The following KIF2A variants were observed in gnomAD, a reference collection of about 807,000 sequenced individuals.
KIF2A encodes kinesin-like protein KIF2A.
Under a neutral mutation model 100.2 loss-of-function variants are expected in KIF2A, and 22 were observed. The ratio of observed to expected loss-of-function variants is 0.22; its 90% CI spans 0.16 to 0.31. The LOEUF is 0.31. KIF2A is among the 10% of genes least tolerant of loss of function. The pLI is 1.00. For missense variants in KIF2A, 495 were observed against 898.7 expected (o/e 0.55, Z 5.74); for synonymous variants, 268 against 285.9 (o/e 0.94, Z 0.63).
chr5:62,329,163 A>G (rs1167240272), intron 1 of KIF2A, among the ~76,000 whole-genome samples: 1 of 152,198 alleles, frequency 6.6e-6, no homozygotes, highest in East Asian at 1.9e-4. Context: ...TTTAATGTCT[A>G]AGAAAGGAAA....
chr5:62,345,516 G>T (rs886757848), intron 1 of KIF2A, among the ~76,000 whole-genome samples: 1 of 149,832 alleles, frequency 6.7e-6, no homozygotes, highest in Non-Finnish European at 1.5e-5. Context: ...ATAGAAGGTA[G>T]GTCGGGCACA....
At chr5:62,361,658 A>C (rs1748415581) in intron 11 of KIF2A, 129 bp downstream of exon 11, 1 of 565,052 alleles carries the variant, frequency 1.8e-6, no homozygotes, top group East Asian at 3.0e-5. Context: ...TGTCAATTAT[A>C]GGTTATTAGA....
At chr5:62,340,534 T>G (rs1747240087) in intron 1 of KIF2A, among the ~76,000 whole-genome samples, 2 of 152,190 alleles carry the variant, frequency 1.3e-5, no homozygotes, top group Admixed American at 1.3e-4. Context: ...TTAGTCTTAT[T>G]AACGTCTATG....
Position 62,388,968 on chromosome 5 carries a change from C to CAT in KIF2A, c.*3400_*3401dup. 6.4e-7 allele frequency: 1 copy of CAT among 1,558,792 alleles called. No individual in the cohort carries two copies. Among genetic ancestry groups the CAT allele is most frequent in the Non-Finnish European group, 8.8e-7 (1 of 1,138,104 alleles). The stretch of plus-strand genomic sequence containing the variant: ...TCTCAAATACAAAAAATACAAAATT[C>CAT]ATTTCTTTTCTTGACCTTGAAAATT... On this transcript the variant is annotated 3_prime_UTR_variant, in exon 21 of 21. Transcript: ENST00000407818.
chr5:62,339,937 CTTT>C (rs36051288), intron 1 of KIF2A, among the ~76,000 whole-genome samples: 1 of 130,594 alleles, frequency 7.7e-6, no homozygotes. Flanking sequence ...ACTTTTAGTA[CTTT>C]TTTTTTTTTT....
intron 10 of KIF2A, 59 bp from the exon 11 acceptor site, chr5:62,361,406 TA>T: frequency 7.0e-7 from 1 of 1,423,320 alleles, no homozygotes. Flanking sequence ...TTCTGTGAAC[TA>T]AATTCTTAAG....
chr5:62,357,773 A>ATCAATCTTT, intron 8 of KIF2A, 28 bp downstream of exon 8: 1 of 1,326,042 alleles, frequency 7.5e-7, no homozygotes, highest in Non-Finnish European at 1.1e-6. Context: ...CTCTAATAAA[A>ATCAATCTTT]GATTGATTTT....
intron 13 of KIF2A, 44 bp downstream of exon 13, chr5:62,363,364 A>G (rs1288803537): frequency 6.4e-7 from 1 of 1,565,104 alleles, no homozygotes; most frequent in Non-Finnish European, 8.7e-7. Context: ...AGTTTTAGAA[A>G]CTTTGGGTAC....
At position 62,385,846 on chromosome 5, in the gene KIF2A, A is replaced by G. The variant is rs1290389035; in HGVS notation, c.*277A>G. 1.9e-4 allele frequency: 76 copies of G among 407,606 alleles called. No homozygotes were observed. In the Admixed American group the frequency reaches 2.6e-3, roughly 14 times the overall value. 25.2% of individuals were successfully genotyped at this position (407,606 alleles called of 1,614,324 possible). A position where few individuals can be genotyped will look rare whatever the true frequency, so the allele number is the denominator to read the frequency against. On this transcript the variant is annotated 3_prime_UTR_variant, in exon 21 of 21. Transcript: ENST00000407818. ...GAGATCCTTGTCAGTTTTATTTTCT[A>G]TTTGATGAAGTAAGACTGTGGACTC...
At chr5:62,344,746 T>C (rs1747471367) in intron 1 of KIF2A, among the ~76,000 whole-genome samples, 1 of 152,240 alleles carries the variant, frequency 6.6e-6, no homozygotes, top group Non-Finnish European at 1.5e-5. Context: ...GATATATTCA[T>C]TTATGGAATG....
chr5:62,381,361 G>T, intron 20 of KIF2A, 108 bp downstream of exon 20: 1 of 808,142 alleles, frequency 1.2e-6, no homozygotes, highest in East Asian at 2.5e-5. Context: ...AAAATTAGGG[G>T]CACTGTTTAG....
rs776738957 is a variant in KIF2A, at chr5:62,388,729, C to CTGTT, written c.*3161_*3164dup. The stretch of plus-strand genomic sequence containing the variant: ...AAGAGTAACATCTTTATACAATAAA[C>CTGTT]TGTTAGAAATGATAAGTGTAAAGTT... On this transcript the variant is annotated 3_prime_UTR_variant, in exon 21 of 21. Coordinates refer to ENST00000407818, the MANE Select transcript of KIF2A (RefSeq NM_001098511.3). 1.4e-4 allele frequency: 59 copies of CTGTT among 407,242 alleles called. No individual in the cohort carries two copies. The highest frequency in any genetic ancestry group is 3.4e-4 in the Admixed American group (8 of 23,788). 25.2% of individuals were successfully genotyped at this position (407,242 alleles called of 1,614,324 possible).
At chr5:62,342,604 T>C (rs1212988702) in intron 1 of KIF2A, among the ~76,000 whole-genome samples, 15 of 152,204 alleles carry the variant, frequency 9.9e-5, no homozygotes, top group Non-Finnish European at 8.8e-5. Flanking sequence ...AGTCTTGCTC[T>C]GAAGCACCCT....
intron 1 of KIF2A, among the ~76,000 whole-genome samples, chr5:62,321,709 C>G (rs1435058867): frequency 6.6e-6 from 1 of 151,868 alleles, no homozygotes; most frequent in African/African-American, 2.4e-5. Context: ...ACTACAGATG[C>G]ACACCACATC....
rs187651005 is a variant in KIF2A at position 62,317,931 on chromosome 5, C to T, written c.64+11395C>T. Among the ~76,000 whole-genome samples, 371 of 150,678 alleles carry T rather than the reference C, an allele frequency of 2.5e-3. 2 individuals are homozygous for T. Among genetic ancestry groups the T allele is most frequent in the African/African-American group, 8.7e-3 (355 of 40,978 alleles). ...GCCTATGTTTAAACTCTCTTGCTCACAAGACTTTAGACAATTTAAACAGGA... is the reference window on the plus strand; with the variant it reads ...GCCTATGTTTAAACTCTCTTGCTCATAAGACTTTAGACAATTTAAACAGGA... On this transcript the variant is annotated intron_variant, in intron 1 of 20. Transcript: ENST00000407818.
At chr5:62,325,802 A>G (rs1013403246) in intron 1 of KIF2A, among the ~76,000 whole-genome samples, 2 of 152,256 alleles carry the variant, frequency 1.3e-5, no homozygotes, top group African/African-American at 4.8e-5. Flanking sequence ...CACAATGGAA[A>G]ATAAATTATT....
chr5:62,389,333 A>T lies in KIF2A; in HGVS notation c.*3764A>T, dbSNP rs1343493392. The stretch of plus-strand genomic sequence containing the variant: ...AAACCCCGTCTCTACTAAAAATACA[A>T]AAATTAGCCTGGCATGGTGGCACAT... On this transcript the variant is annotated 3_prime_UTR_variant, in exon 21 of 21. Transcript: ENST00000407818. 1.1e-4 allele frequency among the ~76,000 whole-genome samples: 17 copies of T among 151,994 alleles called. No homozygotes were observed. In the South Asian group the frequency reaches 3.5e-3, roughly 32 times the overall value.
At chr5:62,316,872 A>T (rs188816823) in intron 1 of KIF2A, among the ~76,000 whole-genome samples, 6 of 152,326 alleles carry the variant, frequency 3.9e-5, no homozygotes, top group Middle Eastern at 3.4e-3. Flanking sequence ...ATAATGGACC[A>T]ATTAATGACA....
intron 1 of KIF2A, among the ~76,000 whole-genome samples, chr5:62,341,078 G>A (rs1448407298): frequency 6.6e-6 from 1 of 152,150 alleles, no homozygotes; most frequent in Non-Finnish European, 1.5e-5. Flanking sequence ...TCTTATTGCT[G>A]GAATTTCGTA....
Sources: gnomAD v4.1 joint callset for allele counts (sites outside exome capture counted in the v4.1 genomes callset) on GRCh38, gnomAD v4.1.1 for gene constraint, MANE v1.5 for transcripts, NCBI Gene and HGNC (gene_info 2026-07-23, HGNC 2026-07-21) for gene names.